Variants in AKT3 observed in about 807,000 individuals in gnomAD.
AKT3 encodes RAC-gamma serine/threonine-protein kinase.
In AKT3, 15 loss-of-function variants were observed where a neutral mutation model predicts 65.3. The ratio of observed to expected loss-of-function variants is 0.23; its 90% confidence interval spans 0.15 to 0.35. The LOEUF (loss-of-function observed/expected upper bound fraction) is 0.35, where lower values mean the gene tolerates loss of function less well. Ranked by LOEUF, AKT3 falls within the 10% of genes least tolerant of loss-of-function variation. The probability of loss-of-function intolerance (pLI) is 1.00; values close to 1 mark genes in which losing one functional copy is unlikely to be tolerated. For synonymous variants in AKT3, 206 were observed against 183.8 expected, an observed-to-expected ratio of 1.12 and a Z score of -0.98; for missense variants, 243 against 576.5, an observed-to-expected ratio of 0.42 and a Z score of 5.92.
intron 2 of AKT3, among the ~76,000 whole-genome samples, chr1:243,775,782 C>A (rs1294447804): frequency 6.6e-6 from 1 of 152,098 alleles, no homozygotes; most frequent in Non-Finnish European, 1.5e-5. Context: ...CAGAACTTTA[C>A]AAAATCCAGC....
intron 4 of AKT3, among the ~76,000 whole-genome samples, chr1:243,655,762 T>C (rs1281674743): frequency 1.3e-5 from 2 of 152,106 alleles, no homozygotes; most frequent in Non-Finnish European, 2.9e-5. Context: ...AATGTAGTGG[T>C]TTACCATGTC....
intron 2 of AKT3, among the ~76,000 whole-genome samples, chr1:243,696,807 C>G (rs1685091762): frequency 6.6e-6 from 1 of 151,968 alleles, no homozygotes; most frequent in African/African-American, 2.4e-5. Flanking sequence ...TTTTTCCCCA[C>G]TCTACACATT....
chr1:243,627,105 C>T (rs748276661), intron 6 of AKT3, among the ~76,000 whole-genome samples: 1 of 152,212 alleles, frequency 6.6e-6, no homozygotes, highest in Non-Finnish European at 1.5e-5. Context: ...TGAAAACTCA[C>T]AGCAGATAAT....
intron 11 of AKT3, among the ~76,000 whole-genome samples, chr1:243,549,873 CTGAA>C (rs992066671): frequency 1.1e-4 from 17 of 152,316 alleles, no homozygotes; most frequent in African/African-American, 3.6e-4. Context: ...TCACCCTCTT[CTGAA>C]TGAAGATTAA....
intron 3 of AKT3, among the ~76,000 whole-genome samples, chr1:243,666,157 C>T (rs1171867818): frequency 6.6e-6 from 1 of 152,116 alleles, no homozygotes; most frequent in Non-Finnish European, 1.5e-5. Context: ...GCGTGCACCA[C>T]CATGCCCAGC....
At chr1:243,626,527 G>A (rs1679174980) in intron 6 of AKT3, among the ~76,000 whole-genome samples, 1 of 152,180 alleles carries the variant, frequency 6.6e-6, no homozygotes, top group African/African-American at 2.4e-5. Flanking sequence ...GAGGTGATGG[G>A]CTACCAAATT....
rs527853227 is a variant in AKT3, at chr1:243,764,233, T to G, written c.47-68517A>C. Among the ~76,000 whole-genome samples the G allele has an allele frequency of 4.6e-5, 7 of 152,258 alleles. No individual in the cohort carries two copies. The South Asian group carries it at 1.4e-3, about 32-fold the overall frequency. On this transcript the variant is annotated intron_variant, in intron 2 of 13. Transcript: ENST00000673466. ...TTTAATAACAGATATAAAAATAATT[T>G]TAATTCCCTTTTAATCTGTTGTCAT... is the stretch of plus-strand genomic sequence containing the variant.
At chr1:243,747,877 G>C (rs1394866651) in intron 2 of AKT3, among the ~76,000 whole-genome samples, 1 of 152,124 alleles carries the variant, frequency 6.6e-6, no homozygotes. Flanking sequence ...ACAAGGATCG[G>C]TAAGAGTCAG....
intron 3 of AKT3, among the ~76,000 whole-genome samples, chr1:243,686,367 G>T (rs951907363): frequency 5.3e-5 from 8 of 151,728 alleles, no homozygotes; most frequent in African/African-American, 1.9e-4. Flanking sequence ...ACTAATCAAA[G>T]TCCTAGGCAT....
At chr1:243,490,488 T>G (rs1221920817) in intron 13 of AKT3, among the ~76,000 whole-genome samples, 1 of 152,242 alleles carries the variant, frequency 6.6e-6, no homozygotes, top group African/African-American at 2.4e-5. Flanking sequence ...CTGAAGTGTT[T>G]GGAGCTGGAA....
At chr1:243,577,532 T>C (rs548800066) in intron 8 of AKT3, among the ~76,000 whole-genome samples, 24 of 152,250 alleles carry the variant, frequency 1.6e-4, no homozygotes, top group Non-Finnish European at 2.9e-4. Context: ...TTATACCTTA[T>C]ACAAAAATTA....
At chr1:243,664,185 CTTTTTTTTTTTTTT>C (rs34578718) in intron 4 of AKT3, among the ~76,000 whole-genome samples, 5 of 60,010 alleles carry the variant, frequency 8.3e-5, no homozygotes, top group African/African-American at 1.9e-4. Context: ...ATAAAAATGT[CTTTTTTTTTTTTTT>C]TTTTTTTTTT....
intron 8 of AKT3, among the ~76,000 whole-genome samples, chr1:243,581,192 G>A (rs1202810941): frequency 1.3e-5 from 2 of 152,208 alleles, no homozygotes; most frequent in African/African-American, 4.8e-5. Flanking sequence ...TCTGTCATCA[G>A]GGGACCTGTA....
chr1:243,539,748 G>A (rs982721334), intron 12 of AKT3, among the ~76,000 whole-genome samples: 3 of 152,106 alleles, frequency 2.0e-5, no homozygotes, highest in African/African-American at 7.2e-5. Flanking sequence ...CCCTTAAGAA[G>A]GAATCACAAG....
intron 13 of AKT3, among the ~76,000 whole-genome samples, chr1:243,511,991 G>C (rs1670043337): frequency 6.6e-6 from 1 of 152,184 alleles, no homozygotes; most frequent in African/African-American, 2.4e-5. Flanking sequence ...CTAGGAAAGA[G>C]GGGAGTCTCT....
chr1:243,540,155 T>C (rs956905237), intron 12 of AKT3, among the ~76,000 whole-genome samples: 1 of 152,140 alleles, frequency 6.6e-6, no homozygotes, highest in Non-Finnish European at 1.5e-5. Context: ...GAAAAGAAGA[T>C]GACATAGTAA....
intron 2 of AKT3, among the ~76,000 whole-genome samples, chr1:243,717,507 A>G (rs1457702990): frequency 6.6e-6 from 1 of 152,234 alleles, no homozygotes; most frequent in African/African-American, 2.4e-5. Context: ...TAGTTAAAAA[A>G]GCACTGTATA....
chr1:243,543,620 G>A (rs1196568849), intron 12 of AKT3, among the ~76,000 whole-genome samples: 1 of 152,158 alleles, frequency 6.6e-6, no homozygotes, highest in Non-Finnish European at 1.5e-5. Flanking sequence ...GTACTGACAC[G>A]ATGAAAACAG....
intron 8 of AKT3, among the ~76,000 whole-genome samples, chr1:243,597,559 A>G (rs1450348543): frequency 6.6e-6 from 1 of 152,176 alleles, no homozygotes; most frequent in African/African-American, 2.4e-5. Flanking sequence ...GCTGAAGTGC[A>G]GTCGCATGAT....
Sources: gnomAD v4.1 joint callset for allele counts (sites outside exome capture counted in the v4.1 genomes callset) on GRCh38, gnomAD v4.1.1 for gene constraint, MANE v1.5 for transcripts, NCBI Gene and HGNC (gene_info 2026-07-23, HGNC 2026-07-21) for gene names.